GSE1: variants seen among roughly 807,000 people sequenced by gnomAD.
GSE1 encodes Gse1 coiled-coil protein.
A neutral mutation model predicts 112.6 loss-of-function variants in GSE1; 32 were observed. The ratio of observed to expected loss-of-function variants is 0.28; its 90% confidence interval spans 0.21 to 0.38. The LOEUF (loss-of-function observed/expected upper bound fraction) is 0.38, where lower values mean the gene tolerates loss of function less well. GSE1 is among the 10% of genes least tolerant of loss of function. GSE1 has a pLI of 1.00. For synonymous variants in GSE1, 1,115 were observed against 735.6 expected, an observed-to-expected ratio of 1.52 and a Z score of -8.35; for missense variants, 2,348 against 1,699.2, an observed-to-expected ratio of 1.38 and a Z score of -6.71.
intron 1 of GSE1, among the ~76,000 whole-genome samples, chr16:85,190,692 G>A (rs1384022903): frequency 6.6e-6 from 1 of 152,248 alleles, no homozygotes; most frequent in African/African-American, 2.4e-5. Context: ...AGTGCCCTGG[G>A]AATTTCTGCT....
chr16:85,629,464 TAGTC>T (rs2049362496), intron 1 of GSE1, among the ~76,000 whole-genome samples: 1 of 152,156 alleles, frequency 6.6e-6, no homozygotes, highest in African/African-American at 2.4e-5. Flanking sequence ...TTGCAGGGCA[TAGTC>T]AGCCACCCAG....
intron 1 of GSE1, among the ~76,000 whole-genome samples, chr16:85,201,734 C>T (rs572109863): frequency 4.6e-5 from 7 of 152,268 alleles, no homozygotes; most frequent in African/African-American, 4.8e-5. Flanking sequence ...GGGTCCTGGC[C>T]GTGCCCCACA....
At chr16:85,576,445 C>G (rs916170773) in intron 1 of GSE1, among the ~76,000 whole-genome samples, 7 of 152,190 alleles carry the variant, frequency 4.6e-5, no homozygotes, top group African/African-American at 1.7e-4. Flanking sequence ...CCCTTCCACA[C>G]TTTTGGAGCC....
In GSE1 at chr16:85,635,956, G is replaced by A. The variant is rs1050839619; in HGVS notation, c.226+1824G>A. ...GCAGGAGCCTGCTCACAGGGCCGTC[G>A]CTTCCTCTCCGCTGCCCCATGCTGC... On this transcript the variant is annotated intron_variant, in intron 2 of 15. Coordinates refer to ENST00000253458, the MANE Select transcript of GSE1 (RefSeq NM_014615.5). Among the ~76,000 whole-genome samples the A allele has an allele frequency of 6.6e-5, 10 of 152,236 alleles. 1 individual carries two copies. The highest frequency in any genetic ancestry group is 1.9e-4 in the East Asian group (1 of 5,192).
At chr16:85,285,599 T>C (rs954981604) in intron 1 of GSE1, 1 of 151,618 alleles carries the variant, frequency 6.6e-6, no homozygotes. Context: ...GGAGAATCAC[T>C]TGAACCCAGA....
At chr16:85,672,156 G>C (rs1302450024) in intron 15 of GSE1, 3 of 483,546 alleles carry the variant, frequency 6.2e-6, no homozygotes, top group African/African-American at 1.9e-5. Context: ...ACGACACCAT[G>C]CCTGGCTAAT....
intron 2 of GSE1, among the ~76,000 whole-genome samples, chr16:85,515,888 G>A (rs990262895): frequency 3.9e-5 from 6 of 152,282 alleles, no homozygotes; most frequent in Admixed American, 3.9e-4. Flanking sequence ...TTCCCCACCG[G>A]CTCTGGCCAG....
chr16:85,254,833 C>G (rs1906890880), intron 1 of GSE1, among the ~76,000 whole-genome samples: 1 of 152,248 alleles, frequency 6.6e-6, no homozygotes. Context: ...CCAAGACATG[C>G]TATGCCCGTT....
Position 85,641,515 on chromosome 16 carries a change from G to A in GSE1, c.227-7037G>A, listed in dbSNP as rs965741847. 2.6e-5 allele frequency among the ~76,000 whole-genome samples: 4 copies of A among 152,136 alleles called. 1 individual carries two copies. Among genetic ancestry groups the A allele is most frequent in the Admixed American group, 2.0e-4 (3 of 15,252 alleles). ...GAGCCCTGCCCTGGGAGCCTTGTAG[G>A]GCGGCTGCTGCTACTTGGTCTCCTG... On this transcript the variant is annotated intron_variant, in intron 2 of 15. Transcript: ENST00000253458.
intron 3 of GSE1, 42 bp from the exon 4 acceptor site, chr16:85,654,236 T>A (rs2051701425): frequency 6.4e-7 from 1 of 1,551,190 alleles, no homozygotes. Flanking sequence ...GTCAGTGGCC[T>A]ATACCAGGCT....
chr16:85,496,555 G>C (rs2051184638), intron 2 of GSE1, among the ~76,000 whole-genome samples: 1 of 152,252 alleles, frequency 6.6e-6, no homozygotes, highest in Non-Finnish European at 1.5e-5. Flanking sequence ...GGGCAGGGGG[G>C]CCGACCCACC....
intron 1 of GSE1, among the ~76,000 whole-genome samples, chr16:85,565,728 C>G (rs1388128064): frequency 6.6e-6 from 1 of 152,208 alleles, no homozygotes; most frequent in African/African-American, 2.4e-5. Flanking sequence ...TGGACACCAG[C>G]AGGAGATTTG....
chr16:85,277,487 G>A (rs970276348), intron 1 of GSE1, among the ~76,000 whole-genome samples: 2 of 151,960 alleles, frequency 1.3e-5, no homozygotes, highest in East Asian at 1.9e-4. Flanking sequence ...GCTCAGATGT[G>A]TATGCGAGTC....
Position 85,326,813 on chromosome 16 carries a change from G to T in GSE1, c.2284-30650G>T, listed in dbSNP as rs1474563923. On this transcript the variant is annotated intron_variant, in intron 1 of 2. Transcript: ENST00000637419. Reference sequence around the variant, plus strand: ...GCAAGCACGTGTGGGCACCTAGAAGGTGCTAGACGCTGTGGGGTCCCGATC... The same window carrying T: ...GCAAGCACGTGTGGGCACCTAGAAGTTGCTAGACGCTGTGGGGTCCCGATC... Among the ~76,000 whole-genome samples the T allele has an allele frequency of 2.0e-5, 3 of 152,252 alleles. No individual in the cohort carries two copies. In the East Asian group the frequency reaches 5.8e-4, roughly 29 times the overall value.
At chr16:85,429,368 A>G (rs574076290) in intron 2 of GSE1, among the ~76,000 whole-genome samples, 3 of 152,342 alleles carry the variant, frequency 2.0e-5, no homozygotes, top group African/African-American at 7.2e-5. Context: ...GAGCTTCTCC[A>G]TGCAGGAGTT....
chr16:85,175,387 C>T (rs12933477), intron 1 of GSE1, among the ~76,000 whole-genome samples: 20,709 of 152,200 alleles, frequency 0.14, 1,863 homozygotes, highest in East Asian at 0.46. Flanking sequence ...TCTGTGAAAC[C>T]CTGGAAGGAC....
At chr16:85,383,620 T>C (rs537115838) in intron 2 of GSE1, among the ~76,000 whole-genome samples, 2 of 150,764 alleles carry the variant, frequency 1.3e-5, no homozygotes, top group South Asian at 4.2e-4. Context: ...TGGGTGACCA[T>C]GAGTTTCCTC....
chr16:85,242,599 G>T (rs1344413747), intron 1 of GSE1, among the ~76,000 whole-genome samples: 1 of 152,212 alleles, frequency 6.6e-6, no homozygotes, highest in Non-Finnish European at 1.5e-5. Context: ...GTGCCTGCTG[G>T]GCTTGAGGGA....
At chr16:85,395,250 G>C (rs1028214344) in intron 2 of GSE1, among the ~76,000 whole-genome samples, 1 of 152,204 alleles carries the variant, frequency 6.6e-6, no homozygotes. Context: ...AAATCTATAC[G>C]AGGCCCAGAA....
Sources: gnomAD v4.1 joint callset for allele counts (sites outside exome capture counted in the v4.1 genomes callset) on GRCh38, gnomAD v4.1.1 for gene constraint, MANE v1.5 for transcripts, NCBI Gene and HGNC (gene_info 2026-07-23, HGNC 2026-07-21) for gene names.